Variants in PCDH10 observed in about 807,000 individuals in gnomAD.
The protein encoded by PCDH10 is protocadherin-10.
PCDH10 carries 15 observed loss-of-function variants against 74.4 expected under a neutral mutation model. That is an observed-to-expected ratio of 0.20 (90% CI 0.13 to 0.31). The LOEUF is 0.31. Among genes scored for constraint, PCDH10 ranks in the 10% least tolerant of loss-of-function variants. PCDH10 has a pLI of 1.00. For missense variants in PCDH10, 1,260 were observed against 1,390.2 expected (o/e 0.91, Z 1.49); for synonymous variants, 619 against 589.8 (o/e 1.05, Z -0.72).
At chr4:133,165,812 T>C (rs1727068273) in intron 4 of PCDH10, among the ~76,000 whole-genome samples, 1 of 151,696 alleles carries the variant, frequency 6.6e-6, no homozygotes, top group Admixed American at 6.6e-5. Context: ...GAGATCAATG[T>C]CAGTACAAAT....
At position 133,193,152 on chromosome 4, in the gene PCDH10, T is replaced by C. The variant is rs1727717017; in HGVS notation, c.*2992T>C. ...GTCAAAAGACAATTTTTAGAAAATA[T>C]TTCATCCACATGTAGAATTCTAATT... is the stretch of plus-strand genomic sequence containing the variant. On this transcript the variant is annotated 3_prime_UTR_variant, in exon 5 of 5. Transcript: ENST00000264360. 1.3e-5 allele frequency: 2 copies of C among 151,640 alleles called. No individual in the cohort carries two copies. The highest frequency in any genetic ancestry group is 2.1e-4 in the South Asian group (1 of 4,832). The allele number at this position is 151,640 out of a possible 1,614,324, so 9.4% of individuals were successfully genotyped here.
intron 4 of PCDH10, among the ~76,000 whole-genome samples, chr4:133,187,469 G>T (rs1727567651): frequency 6.6e-6 from 1 of 152,026 alleles, no homozygotes; most frequent in Admixed American, 6.6e-5. Flanking sequence ...ATAAATGTAA[G>T]ATTAGCTTCT....
intron 4 of PCDH10, among the ~76,000 whole-genome samples, chr4:133,170,709 G>T (rs1313554828): frequency 3.7e-5 from 5 of 136,774 alleles, no homozygotes; most frequent in African/African-American, 1.4e-4. Context: ...GATTTTTTTT[G>T]AGATGAAGTC....
chr4:133,203,499 A>G (rs544614894), intron 2 of PCDH10, among the ~76,000 whole-genome samples: 55 of 152,260 alleles, frequency 3.6e-4, no homozygotes, highest in African/African-American at 1.2e-3. Flanking sequence ...TAGGGGTGTC[A>G]TGGGTATTTT....
At chr4:133,203,031 AATGCTGATTTC>A (rs1727934952) in intron 2 of PCDH10, among the ~76,000 whole-genome samples, 1 of 152,064 alleles carries the variant, frequency 6.6e-6, no homozygotes, top group Non-Finnish European at 1.5e-5. Context: ...GAGCTTATGG[AATGCTGATTTC>A]ATGACCCAAG....
intron 2 of PCDH10, among the ~76,000 whole-genome samples, chr4:133,200,919 C>T (rs1727896060): frequency 6.6e-6 from 1 of 152,090 alleles, no homozygotes; most frequent in South Asian, 2.1e-4. Context: ...CCAGTTCTTG[C>T]TATGTTCACC....
downstream of PCDH10, among the ~76,000 whole-genome samples, chr4:133,199,337 T>C (rs1221231588): frequency 6.8e-6 from 1 of 147,784 alleles, no homozygotes; most frequent in South Asian, 2.1e-4. Flanking sequence ...ATTAATTAAA[T>C]AGCAAGATAA....
chr4:133,172,084 C>A (rs1172531771), intron 4 of PCDH10, among the ~76,000 whole-genome samples: 3 of 151,970 alleles, frequency 2.0e-5, no homozygotes, highest in Non-Finnish European at 4.4e-5. Flanking sequence ...TGTACTAAAT[C>A]TTCCATGTTT....
At chr4:133,201,311 A>T (rs1727905437) in intron 2 of PCDH10, among the ~76,000 whole-genome samples, 2 of 152,162 alleles carry the variant, frequency 1.3e-5, no homozygotes, top group Admixed American at 1.3e-4. Context: ...CCATCGAAGG[A>T]GGTATTCTCA....
intron 4 of PCDH10, among the ~76,000 whole-genome samples, chr4:133,183,979 T>A (rs1727473792): frequency 6.6e-6 from 1 of 152,158 alleles, no homozygotes; most frequent in Non-Finnish European, 1.5e-5. Flanking sequence ...TCCCTGGATT[T>A]AAATTTTAAT....
intron 4 of PCDH10, among the ~76,000 whole-genome samples, chr4:133,185,213 A>T (rs1727519669): frequency 6.7e-6 from 1 of 149,436 alleles, no homozygotes. Context: ...TTTAGAATTT[A>T]ATCTATTCAT....
At position 133,152,669 on chromosome 4, in the gene PCDH10, G is replaced by C. The variant is rs751920786; in HGVS notation, c.2529G>C (p.Ser843=). The C allele has an allele frequency of 3.4e-5, 55 of 1,614,034 alleles. No homozygotes were observed. The highest frequency in any genetic ancestry group is 4.7e-5 in the Non-Finnish European group (55 of 1,180,052). Residue 843 remains serine (S), a synonymous_variant, in exon 1 of 5, where the codon TCG becomes TCC. Transcript: ENST00000264360. ...TGTTTCTTAAGCCCTGCAGCCCTTC[G>C]CGGAGTACGGACACTGAGCACAACC... ...DLMFLKPCSP[S]RSTDTEHNPC...
rs1249939880 is a variant in PCDH10 at position 133,191,848 on chromosome 4, G to A, written c.*1688G>A. On this transcript the variant is annotated 3_prime_UTR_variant, in exon 5 of 5. Transcript: ENST00000264360. Reference sequence around the variant, plus strand: ...CTTATATTCAATGACAGTTTGAGCTGCACTGTGTTATTAAAGAATAGACTA... The same window carrying A: ...CTTATATTCAATGACAGTTTGAGCTACACTGTGTTATTAAAGAATAGACTA... 1 of 151,424 alleles carries A rather than the reference G, an allele frequency of 6.6e-6. No individual in the cohort carries two copies. The highest frequency in any genetic ancestry group is 1.5e-5 in the Non-Finnish European group (1 of 67,658). 9.4% of individuals were successfully genotyped at this position (151,424 alleles called of 1,614,324 possible).
chr4:133,152,121 C>T lies in PCDH10; in HGVS notation c.1981C>T (p.Arg661Cys). ...GCCTTATGAGCTGGTGATCGAGGTGCGCGACCATGGGCAGCCGCCCCTTTC... is the reference window on the plus strand; with the variant it reads ...GCCTTATGAGCTGGTGATCGAGGTGTGCGACCATGGGCAGCCGCCCCTTTC... ...QRPYELVIEVRDHGQPPLSST... is the reference protein window; with the variant it reads ...QRPYELVIEVCDHGQPPLSST... Residue 661 changes from arginine to cysteine, a missense_variant, in exon 1 of 5, where the codon CGC (arginine) becomes TGC (cysteine). Coordinates refer to ENST00000264360, the MANE Select transcript of PCDH10 (RefSeq NM_032961.3). 1 of 1,572,236 alleles carries T rather than the reference C, an allele frequency of 6.4e-7. No individual in the cohort carries two copies. Among genetic ancestry groups the T allele is most frequent in the Non-Finnish European group, 8.6e-7 (1 of 1,159,720 alleles).
chr4:133,167,623 G>A (rs1196452652), intron 4 of PCDH10, among the ~76,000 whole-genome samples: 2 of 151,280 alleles, frequency 1.3e-5, no homozygotes, highest in East Asian at 3.9e-4. Flanking sequence ...TTTTTAACTT[G>A]ATATGTTAAT....
chr4:133,185,554 C>G (rs924715109), intron 4 of PCDH10, among the ~76,000 whole-genome samples: 3 of 152,114 alleles, frequency 2.0e-5, no homozygotes, highest in African/African-American at 7.2e-5. Context: ...GAGCGGAGAG[C>G]AGATATTTCT....
Position 133,152,499 on chromosome 4 carries a change from A to G in PCDH10, c.2359A>G (p.Ile787Val). 1 of 1,614,150 alleles carries G rather than the reference A, an allele frequency of 6.2e-7. No homozygotes were observed. Among genetic ancestry groups the G allele is most frequent in the Non-Finnish European group, 8.5e-7 (1 of 1,180,014 alleles). Residue 787 changes from isoleucine (I) to valine (V), a missense_variant, in exon 1 of 5, where the codon ATC becomes GTC. Ile to Val is a conservative substitution (Grantham distance 29, BLOSUM62 3). Coordinates refer to ENST00000264360, the MANE Select transcript of PCDH10 (RefSeq NM_032961.3). ...ARKKKLSKSDIMLVQSSNVPS... is the reference protein window; with the variant it reads ...ARKKKLSKSDVMLVQSSNVPS... ...CAAGAAGAAACTCAGCAAGTCAGAC[A>G]TCATGCTGGTGCAGAGCTCCAATGT...
chr4:133,202,380 G>A (rs1727923061), intron 2 of PCDH10, among the ~76,000 whole-genome samples: 1 of 152,150 alleles, frequency 6.6e-6, no homozygotes, highest in African/African-American at 2.4e-5. Context: ...GAGGTCTTGA[G>A]GGTACATGGA....
At position 133,152,128 on chromosome 4, in the gene PCDH10, A is replaced by C; in HGVS notation, c.1988A>C (p.His663Pro). ...PYELVIEVRD[H>P]GQPPLSSTAT... ...GAGCTGGTGATCGAGGTGCGCGACC[A>C]TGGGCAGCCGCCCCTTTCCTCCACC... The change falls in exon 1 of 5, where the codon CAT becomes CCT. Residue 663 changes from histidine to proline, a missense_variant. This residue lies in a region of PCDH10 where 587 missense variants were observed against 616.9 expected (regional missense o/e 0.95). Coordinates refer to ENST00000264360, the MANE Select transcript of PCDH10 (RefSeq NM_032961.3). 1.9e-6 allele frequency: 3 copies of C among 1,568,460 alleles called. No individual in the cohort carries two copies. The highest frequency in any genetic ancestry group is 2.6e-6 in the Non-Finnish European group (3 of 1,157,666).
Sources: gnomAD v4.1 joint callset for allele counts (sites outside exome capture counted in the v4.1 genomes callset) on GRCh38, gnomAD v4.1.1 for gene constraint, gnomAD v4.1.1 regional missense constraint, MANE v1.5 for transcripts, NCBI Gene and HGNC (gene_info 2026-07-23, HGNC 2026-07-21) for gene names.